Variants in THRB observed in about 807,000 individuals in gnomAD.
THRB encodes nuclear receptor subfamily 1 group A member 2.
In THRB, 12 loss-of-function variants were observed where a neutral mutation model predicts 47.8. That is an observed-to-expected ratio of 0.25 (90% confidence interval 0.16 to 0.41). The LOEUF (loss-of-function observed/expected upper bound fraction) is 0.41. THRB is among the 10% of genes least tolerant of loss of function. The pLI is 1.00. For synonymous variants in THRB, 218 were observed against 212.2 expected (o/e 1.03, Z -0.24); for missense variants, 348 against 589.2 (o/e 0.59, Z 4.24).
intron 3 of THRB, among the ~76,000 whole-genome samples, chr3:24,294,671 T>C (rs1158265): frequency 0.32 from 48,602 of 151,990 alleles, 7,933 homozygotes; most frequent in African/African-American, 0.38. Flanking sequence ...GAGACAATAG[T>C]AGGGCAACAA....
At chr3:24,226,623 C>A (rs1160962649) in intron 4 of THRB, among the ~76,000 whole-genome samples, 2 of 152,186 alleles carry the variant, frequency 1.3e-5, no homozygotes, top group Admixed American at 6.5e-5. Flanking sequence ...AGCTGGCTTA[C>A]CCTAGAGCTG....
intron 3 of THRB, among the ~76,000 whole-genome samples, chr3:24,259,441 T>C (rs1356633424): frequency 6.6e-6 from 1 of 152,166 alleles, no homozygotes; most frequent in African/African-American, 2.4e-5. Context: ...ATGAACATGT[T>C]CTTAACAGTG....
intron 3 of THRB, among the ~76,000 whole-genome samples, chr3:24,266,535 A>G (rs1416302831): frequency 1.3e-5 from 2 of 152,208 alleles, no homozygotes; most frequent in Admixed American, 6.5e-5. Flanking sequence ...AAACCTTGGC[A>G]GAGGCAGGGC....
intron 1 of THRB, among the ~76,000 whole-genome samples, chr3:24,381,949 A>T (rs919707120): frequency 1.8e-4 from 28 of 152,168 alleles, no homozygotes; most frequent in African/African-American, 6.8e-4. Flanking sequence ...TGACATAGCA[A>T]CTATGTAAAG....
chr3:24,127,685 G>A lies in THRB; in HGVS notation c.958C>T (p.Arg320Cys), dbSNP rs121918696. 2 of 1,614,150 alleles carry A rather than the reference G, an allele frequency of 1.2e-6. No homozygotes were observed. The highest frequency in any genetic ancestry group is 8.5e-7 in the Non-Finnish European group (1 of 1,180,012). ...MEIMSLRAAV[R>C]YDPESETLTL... ...AAAGTCTCACTTTCTGGGTCATAGC[G>A]CACAGCAGCGCGAAGGGACATGATC... Residue 320 changes from arginine to cysteine, a missense_variant, in exon 10 of 11, where the codon CGC (arginine) becomes TGC (cysteine). By Grantham distance (180) the Arg-to-Cys change is radical (BLOSUM62 -3). Around this residue, in one of 5 missense-constraint regions of THRB, gnomAD observed 45 missense variants for 156.2 expected, o/e 0.29. Transcript: ENST00000646209.
At chr3:24,168,466 C>A (rs1218789011) in intron 5 of THRB, among the ~76,000 whole-genome samples, 3 of 136,168 alleles carry the variant, frequency 2.2e-5, no homozygotes, top group African/African-American at 8.2e-5. Flanking sequence ...TTTAATAATT[C>A]CGATTAGAAG....
intron 1 of THRB, among the ~76,000 whole-genome samples, chr3:24,443,912 C>G (rs1279521050): frequency 6.6e-6 from 1 of 152,146 alleles, no homozygotes; most frequent in Non-Finnish European, 1.5e-5. Context: ...TAATTTGACT[C>G]CAGCTCTGTC....
intron 1 of THRB, among the ~76,000 whole-genome samples, chr3:24,471,339 G>A (rs900823246): frequency 2.6e-5 from 4 of 152,144 alleles, no homozygotes; most frequent in Non-Finnish European, 5.9e-5. Flanking sequence ...TTATAACGCC[G>A]CTCAAGTTTG....
chr3:24,434,859 G>A (rs901366907), intron 1 of THRB, among the ~76,000 whole-genome samples: 2 of 152,210 alleles, frequency 1.3e-5, no homozygotes, highest in Non-Finnish European at 2.9e-5. Flanking sequence ...AATTGAAGAT[G>A]ATGCTAAGGT....
chr3:24,293,829 GACTC>G (rs2056190618), intron 3 of THRB, among the ~76,000 whole-genome samples: 1 of 152,130 alleles, frequency 6.6e-6, no homozygotes, highest in Admixed American at 6.6e-5. Flanking sequence ...GTTTAGTTTA[GACTC>G]ACTGTTAATT....
intron 4 of THRB, among the ~76,000 whole-genome samples, chr3:24,210,391 C>T (rs1024883501): frequency 1.1e-4 from 17 of 151,574 alleles, no homozygotes; most frequent in South Asian, 2.1e-4. Flanking sequence ...GGATCTCACC[C>T]AGGTTGGTTT....
At chr3:24,275,630 G>A (rs2053843167) in intron 3 of THRB, among the ~76,000 whole-genome samples, 1 of 152,164 alleles carries the variant, frequency 6.6e-6, no homozygotes, top group Admixed American at 6.5e-5. Flanking sequence ...TCCAACATGA[G>A]CGAGATGAAA....
chr3:24,148,855 G>A (rs1667738), intron 6 of THRB, among the ~76,000 whole-genome samples: 96,887 of 152,060 alleles, frequency 0.64, 32,092 homozygotes, highest in East Asian at 0.76. Context: ...ATTTTGGGGC[G>A]TATATGCAAA....
intron 2 of THRB, among the ~76,000 whole-genome samples, chr3:24,321,012 C>G (rs759630309): frequency 6.6e-6 from 1 of 152,164 alleles, no homozygotes; most frequent in East Asian, 1.9e-4. Flanking sequence ...TCTTACCAAC[C>G]CTTTCCCCCA....
intron 7 of THRB, among the ~76,000 whole-genome samples, chr3:24,145,842 T>C (rs780644649): frequency 4.0e-4 from 61 of 152,248 alleles, no homozygotes; most frequent in Non-Finnish European, 4.1e-4. Flanking sequence ...TTCTTTTTAA[T>C]TTTTAACTAA....
chr3:24,140,516 G>C (rs909146611), intron 8 of THRB, among the ~76,000 whole-genome samples: 1 of 151,988 alleles, frequency 6.6e-6, no homozygotes, highest in Non-Finnish European at 1.5e-5. Flanking sequence ...TGGCTAGCTT[G>C]GGATTCCTCA....
In THRB at chr3:24,440,508, G is replaced by C. The variant is rs529285191; in HGVS notation, c.-261+54144C>G. On this transcript the variant is annotated intron_variant, in intron 1 of 10. Coordinates refer to ENST00000646209, the MANE Select transcript of THRB (RefSeq NM_001354712.2). ...TCAGATATGTATTTTGATATACTAA[G>C]TTGTGAAGAATACAAAATAAATTAT... is the stretch of plus-strand genomic sequence containing the variant. Among the ~76,000 whole-genome samples, 5 of 152,172 alleles carry C rather than the reference G, an allele frequency of 3.3e-5. No homozygotes were observed. In the South Asian group the frequency reaches 1.0e-3, roughly 32 times the overall value.
intron 5 of THRB, among the ~76,000 whole-genome samples, chr3:24,168,793 G>C (rs2040028923): frequency 6.6e-6 from 1 of 151,480 alleles, no homozygotes; most frequent in South Asian, 2.1e-4. Flanking sequence ...GAGTTAACCA[G>C]TCAAGCAGAG....
At chr3:24,179,432 CACAT>C (rs1347342418) in intron 5 of THRB, among the ~76,000 whole-genome samples, 7 of 152,044 alleles carry the variant, frequency 4.6e-5, no homozygotes, top group Non-Finnish European at 7.4e-5. Context: ...TGCAAACAAA[CACAT>C]ACAGAGAATG....
Sources: gnomAD v4.1 joint callset for allele counts (sites outside exome capture counted in the v4.1 genomes callset) on GRCh38, gnomAD v4.1.1 for gene constraint, gnomAD v4.1.1 regional missense constraint, MANE v1.5 for transcripts, NCBI Gene and HGNC (gene_info 2026-07-23, HGNC 2026-07-21) for gene names.